The following LATS1 variants were observed in gnomAD, a reference collection of about 807,000 sequenced individuals.
The protein encoded by LATS1 is large tumor suppressor kinase 1, also known as serine/threonine-protein kinase LATS1.
LATS1 carries 25 observed loss-of-function variants against 106.6 expected under a neutral mutation model. The observed-to-expected ratio is 0.23, with a 90% CI of 0.17 to 0.33. LATS1 has a LOEUF of 0.33. Ranked by LOEUF, LATS1 falls within the 10% of genes least tolerant of loss-of-function variation. LATS1 has a pLI of 1.00. For synonymous variants in LATS1, 465 were observed against 455.6 expected, an observed-to-expected ratio of 1.02 and a Z score of -0.26; for missense variants, 1,040 against 1,382.6, an observed-to-expected ratio of 0.75 and a Z score of 3.93.
At chr6:149,686,168 T>A (rs1212593498) in intron 3 of LATS1, among the ~76,000 whole-genome samples, 23 of 152,180 alleles carry the variant, frequency 1.5e-4, no homozygotes. Context: ...TGGTAAAATG[T>A]GGTAAATGTT....
intron 1 of LATS1, among the ~76,000 whole-genome samples, chr6:149,713,019 T>C (rs746108284): frequency 3.3e-5 from 5 of 151,948 alleles, no homozygotes; most frequent in Non-Finnish European, 5.9e-5. Flanking sequence ...AATAAATAAA[T>C]TGAGTATATC....
At chr6:149,694,645 A>G (rs780253844) in intron 3 of LATS1, among the ~76,000 whole-genome samples, 5 of 152,242 alleles carry the variant, frequency 3.3e-5, no homozygotes, top group African/African-American at 4.8e-5. Context: ...GGTTTCCCAC[A>G]GGAAAAAAGA....
At chr6:149,674,408 C>A (rs974382537) in intron 7 of LATS1, among the ~76,000 whole-genome samples, 5 of 152,038 alleles carry the variant, frequency 3.3e-5, no homozygotes, top group African/African-American at 7.2e-5. Context: ...TGGGATCTCA[C>A]TCTGTCACCT....
chr6:149,699,134 A>C lies in LATS1; in HGVS notation c.348+2645T>G, dbSNP rs1783291263. Among the ~76,000 whole-genome samples, 2 of 152,194 alleles carry C rather than the reference A, an allele frequency of 1.3e-5. 1 individual carries two copies. On this transcript the variant is annotated intron_variant, in intron 2 of 7. Coordinates refer to ENST00000543571, the MANE Select transcript of LATS1 (RefSeq NM_004690.4). ...AGGTTAGGGTTTCTGAAATGATAAA[A>C]AAGAATGAAGTGAAAACTAGATAAT...
intron 7 of LATS1, among the ~76,000 whole-genome samples, chr6:149,673,269 TC>T (rs1261619034): frequency 6.6e-6 from 1 of 151,684 alleles, no homozygotes; most frequent in African/African-American, 2.4e-5. Flanking sequence ...GGCTAATTTT[TC>T]TATTTTTTTT....
chr6:149,705,220 GA>G (rs1276002470), intron 1 of LATS1, among the ~76,000 whole-genome samples: 2 of 152,070 alleles, frequency 1.3e-5, no homozygotes, highest in Non-Finnish European at 2.9e-5. Flanking sequence ...TTTTATGAAG[GA>G]AGCTGGTCCC....
In LATS1 at chr6:149,691,926, A is replaced by G. The variant is rs542871785; in HGVS notation, c.496+3148T>C. On this transcript the variant is annotated intron_variant, in intron 3 of 7. Transcript: ENST00000543571. ...AAGTTATCCCCTTCTACCATCACGC[A>G]CCATATGTAATCTATTACCAAGTCC... 1.8e-4 allele frequency among the ~76,000 whole-genome samples: 28 copies of G among 152,138 alleles called. No homozygotes were observed. In the East Asian group the frequency reaches 4.8e-3, roughly 26 times the overall value.
At chr6:149,707,068 T>C (rs1783820972) in intron 1 of LATS1, among the ~76,000 whole-genome samples, 1 of 137,906 alleles carries the variant, frequency 7.3e-6, no homozygotes, top group Admixed American at 8.7e-5. Flanking sequence ...CAGGCTGGAG[T>C]GCAGTGGGGT....
intron 2 of LATS1, among the ~76,000 whole-genome samples, chr6:149,696,102 T>G (rs1438932381): frequency 1.3e-5 from 2 of 151,534 alleles, no homozygotes; most frequent in Non-Finnish European, 2.9e-5. Flanking sequence ...AGACAGCATT[T>G]TACCATGTTG....
chr6:149,659,193 C>T lies in LATS1; in HGVS notation c.*2536G>A, dbSNP rs1332037343. 11 of 176,754 alleles carry T rather than the reference C, an allele frequency of 6.2e-5. No homozygotes were observed. The East Asian group carries it at 7.7e-4, about 12-fold the overall frequency. The allele number at this position is 176,754 out of a possible 1,614,324, so 10.9% of individuals were successfully genotyped here. On this transcript the variant is annotated 3_prime_UTR_variant, in exon 8 of 8. Transcript: ENST00000543571. ...TAAAAGAATACATATTTGCGCCAGGCGCGGTGGGTCACGTCTGTAATCCCA... is the reference window on the plus strand; with the variant it reads ...TAAAAGAATACATATTTGCGCCAGGTGCGGTGGGTCACGTCTGTAATCCCA...
At chr6:149,692,093 C>T (rs1277624066) in intron 3 of LATS1, among the ~76,000 whole-genome samples, 1 of 152,200 alleles carries the variant, frequency 6.6e-6, no homozygotes, top group Non-Finnish European at 1.5e-5. Context: ...CTAACCCATT[C>T]TCATCCATTG....
intron 7 of LATS1, among the ~76,000 whole-genome samples, chr6:149,662,966 C>CAAAAAAAA: frequency 1.0e-5 from 1 of 96,254 alleles, no homozygotes; most frequent in Admixed American, 9.9e-5. Context: ...ACACTGTCTC[C>CAAAAAAAA]AAAAAAAAAA....
Position 149,716,982 on chromosome 6 carries a change from CAATA to C in LATS1, c.-141+863_-141+866del, listed in dbSNP as rs541558284. Reference sequence around the variant, plus strand: ...ATAAACTGATAAATTTATTAACCTTCAATAAATAATTCATAAAGTTCAAACAAGT... The same window carrying C: ...ATAAACTGATAAATTTATTAACCTTCAATAATTCATAAAGTTCAAACAAGT... On this transcript the variant is annotated intron_variant, in intron 1 of 7. Transcript: ENST00000543571. Among the ~76,000 whole-genome samples the C allele has an allele frequency of 7.4e-3, 1,121 of 152,250 alleles. 3 individuals are homozygous for C. The highest frequency in any genetic ancestry group is 0.011 in the Non-Finnish European group (736 of 68,012).
At chr6:149,692,677 C>CT (rs113162358) in intron 3 of LATS1, among the ~76,000 whole-genome samples, 4,631 of 141,816 alleles carry the variant, frequency 0.033, 236 homozygotes, top group African/African-American at 0.11. Flanking sequence ...CTTTTTCTTT[C>CT]TTTTTTTTTT....
chr6:149,661,995 C>G lies in LATS1; in HGVS notation c.3127G>C (p.Asp1043His). The G allele has an allele frequency of 6.2e-7, 1 of 1,614,082 alleles. No individual in the cohort carries two copies. Among genetic ancestry groups the G allele is most frequent in the Non-Finnish European group, 8.5e-7 (1 of 1,180,014 alleles). ...TCATCACTCCATAATTTATCAGGAT[C>G]AACAGGATCAAAATTTGATGTATCT... The part of the protein sequence containing the change: ...PTDTSNFDPV[D>H]PDKLWSDDNE... The change falls in exon 8 of 8, where the codon GAT becomes CAT. Residue 1043 changes from aspartate to histidine, a missense_variant. Asp to His is a moderately conservative substitution (Grantham distance 81). Coordinates refer to ENST00000543571, the MANE Select transcript of LATS1 (RefSeq NM_004690.4).
chr6:149,708,972 G>A (rs1275814660), intron 1 of LATS1, among the ~76,000 whole-genome samples: 1 of 152,154 alleles, frequency 6.6e-6, no homozygotes. Context: ...GCAAGCAGGG[G>A]AGTGGGAAAT....
chr6:149,665,231 CAT>C (rs1329748206), intron 7 of LATS1, among the ~76,000 whole-genome samples: 3 of 152,050 alleles, frequency 2.0e-5, no homozygotes, highest in South Asian at 2.1e-4. Context: ...TGTGGTGGTG[CAT>C]ACCTGTAATC....
rs186956257 is a variant in LATS1, at chr6:149,702,291, A to C, written c.-140-25T>G. 1.4e-4 allele frequency: 81 copies of C among 564,854 alleles called. No homozygotes were observed. The East Asian group carries it at 2.2e-3, about 16-fold the overall frequency. The allele number at this position is 564,854 out of a possible 1,614,324, so 35.0% of individuals were successfully genotyped here. A position where few individuals can be genotyped will look rare whatever the true frequency, so the allele number is the denominator to read the frequency against. On this transcript the variant is annotated intron_variant, in intron 1 of 7. Coordinates refer to ENST00000543571, the MANE Select transcript of LATS1 (RefSeq NM_004690.4). ...TCTGTAAAAGAAAGAAAGAAAGGAA[A>C]GCTATAAAGTGGTTAATACAGCAGT...
Position 149,676,632 on chromosome 6 carries a change from C to T in LATS1, c.2699G>A (p.Arg900His), listed in dbSNP as rs575740406. Reference sequence around the variant, plus strand: ...ATGTGCTAGACATCGCTGGTGCTGGCGTGCAGCTCTCCGCTCTAATGGCTT... The same window carrying T: ...ATGTGCTAGACATCGCTGGTGCTGGTGTGCAGCTCTCCGCTCTAATGGCTT... ...RLKPLERRAA[R>H]QHQRCLAHSL... The change falls in exon 6 of 8, where the codon CGC (arginine) becomes CAC (histidine). Residue 900 changes from arginine (R) to histidine (H), a missense_variant. Coordinates refer to ENST00000543571, the MANE Select transcript of LATS1 (RefSeq NM_004690.4). 121 of 1,613,944 alleles carry T rather than the reference C, an allele frequency of 7.5e-5. No homozygotes were observed. Among genetic ancestry groups the T allele is most frequent in the Non-Finnish European group, 9.2e-5 (109 of 1,180,006 alleles).
Sources: gnomAD v4.1 joint callset for allele counts (sites outside exome capture counted in the v4.1 genomes callset) on GRCh38, gnomAD v4.1.1 for gene constraint, MANE v1.5 for transcripts, NCBI Gene and HGNC (gene_info 2026-07-23, HGNC 2026-07-21) for gene names.